Variants in RIF1 observed in about 807,000 individuals in gnomAD.
RIF1 encodes the protein replication timing regulatory factor 1, also known as telomere-associated protein RIF1.
Under a neutral mutation model 247.1 loss-of-function variants are expected in RIF1, and 45 were observed. That is an observed-to-expected ratio of 0.18 (90% CI 0.14 to 0.23). The LOEUF is 0.23. Ranked by LOEUF, RIF1 falls within the 10% of genes least tolerant of loss-of-function variation. RIF1 has a pLI of 1.00. For synonymous variants in RIF1, 1,087 were observed against 978.8 expected, an observed-to-expected ratio of 1.11 and a Z score of -2.06; for missense variants, 2,967 against 2,862.5, an observed-to-expected ratio of 1.04 and a Z score of -0.83.
intron 20 of RIF1, among the ~76,000 whole-genome samples, chr2:151,449,748 A>AG (rs34519746): frequency 1.3e-5 from 2 of 151,904 alleles, no homozygotes; most frequent in Non-Finnish European, 2.9e-5. Flanking sequence ...CTTTGTCTTT[A>AG]ATACATTGAA....
intron 13 of RIF1, among the ~76,000 whole-genome samples, chr2:151,437,941 A>G (rs1211345766): frequency 6.6e-6 from 1 of 152,172 alleles, no homozygotes; most frequent in African/African-American, 2.4e-5. Flanking sequence ...TACATGGCCT[A>G]TCAAATAATG....
At chr2:151,488,913 G>T (rs1028415924) in intron 9 of RIF1, among the ~76,000 whole-genome samples, 1 of 151,962 alleles carries the variant, frequency 6.6e-6, no homozygotes, top group East Asian at 1.9e-4. Flanking sequence ...TGTATCTATT[G>T]CCATGCTAAA....
At chr2:151,484,662 T>C (rs1405241312), downstream of RIF1, among the ~76,000 whole-genome samples, 1 of 152,202 alleles carries the variant, frequency 6.6e-6, no homozygotes, top group Non-Finnish European at 1.5e-5. Flanking sequence ...GTTTGGGAGT[T>C]GGAAATCACA....
At chr2:151,521,946 A>G in the RIF1 span, among the ~76,000 whole-genome samples, 3 of 152,106 alleles carry the variant, frequency 2.0e-5, no homozygotes, top group East Asian at 3.9e-4. Flanking sequence ...GAATTCTTGG[A>G]ATGGTGTTTG....
At position 151,422,952 on chromosome 2, in the gene RIF1, A is replaced by G. The variant is rs776729916; in HGVS notation, c.696A>G (p.Lys232=). The G allele has an allele frequency of 2.0e-6, 3 of 1,526,958 alleles. No homozygotes were observed. Among genetic ancestry groups the G allele is most frequent in the Admixed American group, 1.8e-5 (1 of 56,768 alleles). The allele number at this position is 1,526,958 out of a possible 1,614,324, so 94.6% of individuals were successfully genotyped here. The part of the protein sequence containing the change: ...ASITEQLMTT[K]LISELQKLFM... ...AAATTAATTGCTTTTGTTTGCAGAA[A>G]TTAATCTCAGAACTTCAGAAGCTAT... The change falls in exon 8 of 36, where the codon AAA becomes AAG. Residue 232 remains lysine (K), a splice_region_variant and synonymous_variant. Coordinates refer to ENST00000444746, the MANE Select transcript of RIF1 (RefSeq NM_018151.5).
In RIF1 at chr2:151,468,126, TCTC is replaced by T. The variant is rs772018521; in HGVS notation, c.6730_6732del (p.Pro2244del). The T allele has an allele frequency of 3.0e-5, 49 of 1,612,740 alleles. No homozygotes were observed. The highest frequency in any genetic ancestry group is 4.0e-5 in the Non-Finnish European group (47 of 1,179,186). Reference sequence around the variant, plus strand: ...TCCCATAGGAAAAAGTGTTAAAACTTCTCCTACTACACAATCTAAGGTAAGCTA... The same window carrying T: ...TCCCATAGGAAAAAGTGTTAAAACTTCTACTACACAATCTAAGGTAAGCTA... On this transcript the variant is annotated inframe_deletion, in exon 31 of 36. Coordinates refer to ENST00000444746, the MANE Select transcript of RIF1 (RefSeq NM_018151.5).
At chr2:151,473,880 T>A (rs1432393257) in intron 34 of RIF1, 84 bp from the exon 35 acceptor site, 4 of 751,208 alleles carry the variant, frequency 5.3e-6, no homozygotes, top group Non-Finnish European at 9.6e-6. Context: ...TTCCAGTGTT[T>A]GTACTATTAC....
At chr2:151,426,289 C>T (rs1689088754) in intron 8 of RIF1, among the ~76,000 whole-genome samples, 1 of 147,540 alleles carries the variant, frequency 6.8e-6, no homozygotes. Flanking sequence ...ATTCTCCTGC[C>T]TCAGCCTCCC....
chr2:151,433,792 T>C (rs533783098), intron 10 of RIF1, among the ~76,000 whole-genome samples: 1 of 152,228 alleles, frequency 6.6e-6, no homozygotes, highest in Admixed American at 6.5e-5. Context: ...TCAAACATTC[T>C]TACTCTACAA....
At chr2:151,511,684 G>A (rs963941948), downstream of RIF1, among the ~76,000 whole-genome samples, 5 of 152,122 alleles carry the variant, frequency 3.3e-5, no homozygotes, top group Admixed American at 2.0e-4. Context: ...ACTGACAATC[G>A]TTCATACAAG....
At chr2:151,433,003 CTG>C (rs1448039374) in intron 9 of RIF1, 72 bp from the exon 10 acceptor site, 13 of 1,122,280 alleles carry the variant, frequency 1.2e-5, no homozygotes, top group East Asian at 2.4e-5. Flanking sequence ...TGATAAAAGA[CTG>C]TTGCATAGCT....
chr2:151,451,726 C>G (rs537437344), intron 21 of RIF1, 21 bp downstream of exon 21: 3 of 1,229,206 alleles, frequency 2.4e-6, no homozygotes, highest in Non-Finnish European at 3.6e-6. Flanking sequence ...ATTTTTTAAC[C>G]TTTGTTTGTC....
At chr2:151,518,245 CTA>C in the RIF1 span, 2 of 1,065,176 alleles carry the variant, frequency 1.9e-6, no homozygotes, top group Non-Finnish European at 1.5e-6. Context: ...TGGAGGGAAT[CTA>C]TGAAATTTTT....
At chr2:151,453,447 C>T (rs913021351) in intron 21 of RIF1, among the ~76,000 whole-genome samples, 19 of 151,722 alleles carry the variant, frequency 1.3e-4, no homozygotes, top group African/African-American at 3.4e-4. Flanking sequence ...CATGGTGGTG[C>T]GCGCCTGTAG....
chr2:151,476,203 T>G lies in RIF1; in HGVS notation c.*1132T>G, dbSNP rs968542543. On this transcript the variant is annotated 3_prime_UTR_variant, in exon 36 of 36. Coordinates refer to ENST00000444746, the MANE Select transcript of RIF1 (RefSeq NM_018151.5). ...TTAGTTTCAGTATTTCACAGCAAGT[T>G]GGACTACAAAATCTAGAGTTGATCT... The G allele has an allele frequency of 6.6e-6, 1 of 152,214 alleles. No individual in the cohort carries two copies. The highest frequency in any genetic ancestry group is 2.4e-5 in the African/African-American group (1 of 41,464). 9.4% of individuals were successfully genotyped at this position (152,214 alleles called of 1,614,324 possible). A position where few individuals can be genotyped will look rare whatever the true frequency, so the allele number is the denominator to read the frequency against.
In RIF1 at chr2:151,413,930, G is replaced by A. The variant is rs187829114; in HGVS notation, c.184-893G>A. Among the ~76,000 whole-genome samples, 266 of 152,268 alleles carry A rather than the reference G, an allele frequency of 1.7e-3. 2 individuals are homozygous for A. Among genetic ancestry groups the A allele is most frequent in the African/African-American group, 6.1e-3 (255 of 41,564 alleles). The stretch of plus-strand genomic sequence containing the variant: ...ATGGTACAAGGGAAATGGGGTACAG[G>A]GTAAAAGTAAACTTTCATATTGAGA... On this transcript the variant is annotated intron_variant, in intron 3 of 35. Coordinates refer to ENST00000444746, the MANE Select transcript of RIF1 (RefSeq NM_018151.5).
rs747482472 is a variant in RIF1, at chr2:151,464,030, A to C, written c.4510A>C (p.Lys1504Gln). The C allele has an allele frequency of 1.2e-6, 2 of 1,610,160 alleles. No homozygotes were observed. Among genetic ancestry groups the C allele is most frequent in the South Asian group, 1.1e-5 (1 of 90,234 alleles). ...TAATGCAGAAACTGAACAAAATAAA[A>C]AAAAGGCAGACCCTGAGAACATTAA... The part of the protein sequence containing the change: ...SANAETEQNK[K>Q]KADPENIKSE... Residue 1504 changes from lysine to glutamine, a missense_variant, in exon 30 of 36, where the codon AAA becomes CAA. Lys to Gln is a moderately conservative substitution (Grantham distance 53). Coordinates refer to ENST00000444746, the MANE Select transcript of RIF1 (RefSeq NM_018151.5).
At chr2:151,509,665 G>A (rs961366649), downstream of RIF1, among the ~76,000 whole-genome samples, 33 of 152,192 alleles carry the variant, frequency 2.2e-4, no homozygotes, top group African/African-American at 6.7e-4. Flanking sequence ...GTTTCGCAGT[G>A]TCTCCAGGCT....
chr2:151,491,991 AAC>A lies in RIF1; in HGVS notation c.*416-3236_*416-3235del, dbSNP rs1401547826. 4 of 1,247,302 alleles carry A rather than the reference AAC, an allele frequency of 3.2e-6. No homozygotes were observed. The East Asian group carries it at 9.3e-5, about 29-fold the overall frequency. 77.3% of individuals were successfully genotyped at this position (1,247,302 alleles called of 1,614,324 possible). Reference sequence around the variant, plus strand: ...AGGAGCTTTCTTGCACCTCTAGAAAAACAGATTGAAGTCCTTTATGTTTTGAC... The same window carrying A: ...AGGAGCTTTCTTGCACCTCTAGAAAAAGATTGAAGTCCTTTATGTTTTGAC... On this transcript the variant is annotated intron_variant and NMD_transcript_variant, in intron 9 of 13. Transcript: ENST00000454583.
Sources: allele counts gnomAD v4.1 joint callset (sites outside exome capture counted in the v4.1 genomes callset), GRCh38; gene constraint gnomAD v4.1.1; transcripts MANE v1.5; gene names NCBI Gene and HGNC (gene_info 2026-07-23, HGNC 2026-07-21).